Variants in AFG2A observed in about 807,000 individuals in gnomAD.
The protein encoded by AFG2A is AAA ATPase AFG2A, also known as ATPase family gene 2 protein homolog A.
the AFG2A span, among the ~76,000 whole-genome samples, chr4:123,207,544 C>G: frequency 1.3e-5 from 2 of 152,034 alleles, no homozygotes; most frequent in Non-Finnish European, 2.9e-5. Flanking sequence ...AGGGTGGTCT[C>G]GAACTCCTGG....
chr4:123,168,540 G>C, the AFG2A span, among the ~76,000 whole-genome samples: 1 of 152,108 alleles, frequency 6.6e-6, no homozygotes, highest in Non-Finnish European at 1.5e-5. Context: ...CTCCTGGACA[G>C]AGTAGTCCTC....
At chr4:123,300,758 T>G in the AFG2A span, among the ~76,000 whole-genome samples, 1 of 151,884 alleles carries the variant, frequency 6.6e-6, no homozygotes, top group African/African-American at 2.4e-5. Context: ...TTTTGTTTTT[T>G]TTTTTTTTAG....
the AFG2A span, among the ~76,000 whole-genome samples, chr4:123,071,015 A>C: frequency 6.6e-6 from 1 of 152,202 alleles, no homozygotes; most frequent in East Asian, 1.9e-4. Flanking sequence ...TTAAATTTCT[A>C]GGTAGTTGGC....
the AFG2A span, among the ~76,000 whole-genome samples, chr4:123,252,438 A>C: frequency 6.6e-6 from 1 of 152,218 alleles, no homozygotes; most frequent in Non-Finnish European, 1.5e-5. Context: ...GATCTGTCAC[A>C]GCTTGTTAAA....
chr4:122,949,740 T>C, the AFG2A span, among the ~76,000 whole-genome samples: 2 of 152,188 alleles, frequency 1.3e-5, no homozygotes, highest in African/African-American at 4.8e-5. Flanking sequence ...CCCTCTGTAA[T>C]GTGTTGCAGG....
the AFG2A span, among the ~76,000 whole-genome samples, chr4:123,165,727 A>G: frequency 6.6e-6 from 1 of 152,156 alleles, no homozygotes; most frequent in African/African-American, 2.4e-5. Context: ...CCTGCTCTGA[A>G]AATAATATAA....
the AFG2A span, among the ~76,000 whole-genome samples, chr4:123,227,227 C>A: frequency 6.6e-6 from 1 of 152,036 alleles, no homozygotes; most frequent in East Asian, 1.9e-4. Context: ...CTGCTCTGAT[C>A]TTAGTTATTT....
At chr4:122,972,919 A>G in the AFG2A span, among the ~76,000 whole-genome samples, 1 of 152,104 alleles carries the variant, frequency 6.6e-6, no homozygotes, top group East Asian at 1.9e-4. Context: ...TTTAATATAT[A>G]CCAATTAGGA....
the AFG2A span, among the ~76,000 whole-genome samples, chr4:123,225,721 C>T: frequency 2.0e-5 from 3 of 151,948 alleles, no homozygotes; most frequent in South Asian, 6.2e-4. Flanking sequence ...TATGAACTTT[C>T]AAGTAGTTTT....
At chr4:122,967,183 AT>A in the AFG2A span, among the ~76,000 whole-genome samples, 3 of 152,166 alleles carry the variant, frequency 2.0e-5, no homozygotes, top group Non-Finnish European at 4.4e-5. Context: ...CAGGAGAATA[AT>A]TTGAGGCCAG....
chr4:123,003,283 T>G, the AFG2A span, among the ~76,000 whole-genome samples: 1 of 152,142 alleles, frequency 6.6e-6, no homozygotes, highest in East Asian at 1.9e-4. Context: ...GTTTGATCAT[T>G]TGAAGCCTTC....
chr4:123,252,479 C>T, the AFG2A span, among the ~76,000 whole-genome samples: 72 of 100,696 alleles, frequency 7.2e-4, no homozygotes, highest in African/African-American at 1.7e-3. Context: ...TGACTTCTTA[C>T]GTGATTTTTT....
the AFG2A span, among the ~76,000 whole-genome samples, chr4:123,103,454 T>C: frequency 9.5e-4 from 145 of 152,208 alleles, no homozygotes; most frequent in African/African-American, 3.4e-3. Flanking sequence ...TACACAATAC[T>C]AGTGCATTCC....
At chr4:122,995,947 A>G in the AFG2A span, among the ~76,000 whole-genome samples, 14 of 152,234 alleles carry the variant, frequency 9.2e-5, no homozygotes, top group Non-Finnish European at 7.3e-5. Flanking sequence ...TCACTTTACT[A>G]TATACAGATA....
chr4:123,207,405 C>G, the AFG2A span, among the ~76,000 whole-genome samples: 1 of 151,890 alleles, frequency 6.6e-6, no homozygotes, highest in African/African-American at 2.4e-5. Context: ...CCTCTGCCAC[C>G]TGGACGCAAG....
the AFG2A span, among the ~76,000 whole-genome samples, chr4:123,007,544 GTA>G: frequency 4.8e-4 from 60 of 125,610 alleles, no homozygotes; most frequent in South Asian, 7.4e-3. Context: ...ATATATATGT[GTA>G]TGTATGTGTG....
the AFG2A span, among the ~76,000 whole-genome samples, chr4:123,246,707 T>G: frequency 1.3e-5 from 2 of 152,264 alleles, no homozygotes; most frequent in African/African-American, 4.8e-5. Flanking sequence ...AAACAATATC[T>G]TAAGCATACC....
chr4:123,165,903 A>C, the AFG2A span, among the ~76,000 whole-genome samples: 6 of 152,236 alleles, frequency 3.9e-5, no homozygotes, highest in East Asian at 1.2e-3. Context: ...TTGGCAATGC[A>C]AGATTGAACT....
At chr4:122,951,396 C>T in the AFG2A span, among the ~76,000 whole-genome samples, 1 of 150,114 alleles carries the variant, frequency 6.7e-6, no homozygotes, top group African/African-American at 2.5e-5. Context: ...CCCATAGATA[C>T]TAAGGGATGA....
Sources: gnomAD v4.1 joint callset for allele counts (sites outside exome capture counted in the v4.1 genomes callset) on GRCh38, gnomAD v4.1.1 for gene constraint, MANE v1.5 for transcripts, NCBI Gene and HGNC (gene_info 2026-07-23, HGNC 2026-07-21) for gene names.